Variants in STAG3 observed in about 807,000 individuals in gnomAD.
The protein encoded by STAG3 is STAG3 cohesin complex component.
A neutral mutation model predicts 160.7 loss-of-function variants in STAG3; 101 were observed. The ratio of observed to expected loss-of-function variants is 0.63; its 90% CI spans 0.54 to 0.74. STAG3 has a LOEUF of 0.74. STAG3 is among the 30% of genes least tolerant of loss of function. The probability of loss-of-function intolerance (pLI) is 0.00; values close to 1 mark genes in which losing one functional copy is unlikely to be tolerated. For missense variants in STAG3, 1,188 were observed against 1,517.4 expected, an observed-to-expected ratio of 0.78 and a Z score of 3.61; for synonymous variants, 519 against 585.0, an observed-to-expected ratio of 0.89 and a Z score of 1.63.
At chr7:100,208,734 A>C (rs1801894186) in intron 29 of STAG3, among the ~76,000 whole-genome samples, 1 of 152,250 alleles carries the variant, frequency 6.6e-6, no homozygotes, top group Non-Finnish European at 1.5e-5. Flanking sequence ...CTGGGAATAC[A>C]GCAGTGAACA....
intron 29 of STAG3, among the ~76,000 whole-genome samples, chr7:100,209,570 G>A (rs1174118781): frequency 6.6e-6 from 1 of 152,210 alleles, no homozygotes; most frequent in East Asian, 1.9e-4. Flanking sequence ...TGTTTTTAAA[G>A]GATCCTTCTG....
chr7:100,203,615 C>T (rs1416581300), intron 25 of STAG3, among the ~76,000 whole-genome samples: 3 of 151,160 alleles, frequency 2.0e-5, no homozygotes, highest in African/African-American at 4.9e-5. Context: ...CCTGGGTTCA[C>T]GCCATTCTCC....
chr7:100,177,954 G>T lies in STAG3; in HGVS notation c.-116G>T, dbSNP rs990779007. On this transcript the variant is annotated 5_prime_UTR_variant, in exon 1 of 34. Transcript: ENST00000615138. ...ATCTTTCGCCCCCGGAAGGGCAGCGGCGGGCGCCTGTGTGGAAGGTGGGGT... is the reference window on the plus strand; with the variant it reads ...ATCTTTCGCCCCCGGAAGGGCAGCGTCGGGCGCCTGTGTGGAAGGTGGGGT... 2.0e-5 allele frequency: 3 copies of T among 152,506 alleles called. No individual in the cohort carries two copies. Among genetic ancestry groups the T allele is most frequent in the Non-Finnish European group, 4.4e-5 (3 of 68,228 alleles). 9.4% of individuals were successfully genotyped at this position (152,506 alleles called of 1,614,324 possible).
At chr7:100,209,502 ACT>A (rs1183416368) in intron 29 of STAG3, among the ~76,000 whole-genome samples, 2 of 152,180 alleles carry the variant, frequency 1.3e-5, no homozygotes, top group Non-Finnish European at 1.5e-5. Flanking sequence ...ACTGGCTTTT[ACT>A]CTGAGTGCAG....
chr7:100,195,205 A>G, intron 8 of STAG3, 104 bp from the exon 9 acceptor site: 1 of 979,032 alleles, frequency 1.0e-6, no homozygotes, highest in Admixed American at 1.8e-5. Context: ...ACACTATCCT[A>G]TAATAAACAG....
chr7:100,202,067 A>G (rs933872015), intron 23 of STAG3, 26 bp downstream of exon 23: 5 of 1,613,622 alleles, frequency 3.1e-6, no homozygotes, highest in Non-Finnish European at 4.2e-6. Context: ...AGTGGGAGCA[A>G]CAAGGCGAGT....
In STAG3 at chr7:100,205,277, A is replaced by T. The variant is rs923602904; in HGVS notation, c.3131A>T (p.His1044Leu). The change falls in exon 29 of 34, where the codon CAT (histidine) becomes CTT (leucine). Residue 1044 changes from histidine to leucine, a missense_variant. Around this residue, in one of 4 missense-constraint regions of STAG3, gnomAD observed 647 missense variants for 717.2 expected, o/e 0.90. Coordinates refer to ENST00000615138, the MANE Select transcript of STAG3 (RefSeq NM_001282717.2). ...CAGCATGTCTCCCAGGCACCTGGCC[A>T]TCCCTGGGGCCCAGTCACCACCTAC... ...CLQHVSQAPG[H>L]PWGPVTTYCH... The T allele has an allele frequency of 6.2e-7, 1 of 1,614,106 alleles. No individual in the cohort carries two copies. The highest frequency in any genetic ancestry group is 1.7e-5 in the Admixed American group (1 of 60,018).
At position 100,205,273 on chromosome 7, in the gene STAG3, G is replaced by A. The variant is rs764531314; in HGVS notation, c.3127G>A (p.Gly1043Ser). ...CCTGCAGCATGTCTCCCAGGCACCT[G>A]GCCATCCCTGGGGCCCAGTCACCAC... The part of the protein sequence containing the change: ...KCLQHVSQAP[G>S]HPWGPVTTYC... The change falls in exon 29 of 34, where the codon GGC becomes AGC. Residue 1043 changes from glycine (G) to serine (S), a missense_variant. By Grantham distance (56) the Gly-to-Ser change is moderately conservative. This residue lies in a region of STAG3 where 647 missense variants were observed against 717.2 expected (regional missense o/e 0.90). Coordinates refer to ENST00000615138, the MANE Select transcript of STAG3 (RefSeq NM_001282717.2). 1 of 1,614,104 alleles carries A rather than the reference G, an allele frequency of 6.2e-7. No homozygotes were observed.
At chr7:100,189,873 G>A (rs1329458858) in intron 8 of STAG3, among the ~76,000 whole-genome samples, 1 of 150,900 alleles carries the variant, frequency 6.6e-6, no homozygotes, top group Non-Finnish European at 1.5e-5. Context: ...GTGTTTAAGT[G>A]CTGTACCTGC....
In STAG3 at chr7:100,197,833, G is replaced by C; in HGVS notation, c.1121G>C (p.Arg374Pro). Residue 374 changes from arginine to proline, a missense_variant, in exon 11 of 34, where the codon CGG becomes CCG. Transcript: ENST00000615138. The stretch of plus-strand genomic sequence containing the variant: ...GCCCTGAAAGGGCTGTACGGTAACC[G>C]GGACCTGACCACACGCCTGGAGCTC... ...VKALKGLYGNRDLTTRLELFT... is the reference protein window; with the variant it reads ...VKALKGLYGNPDLTTRLELFT... 6.2e-7 allele frequency: 1 copy of C among 1,613,716 alleles called. No homozygotes were observed. The highest frequency in any genetic ancestry group is 8.5e-7 in the Non-Finnish European group (1 of 1,179,948).
At chr7:100,218,864 G>C (rs1305584892), downstream of STAG3, 2 of 216,888 alleles carry the variant, frequency 9.2e-6, no homozygotes, top group South Asian at 1.3e-4. Context: ...TCACTCATCA[G>C]CGCAGATTCA....
At chr7:100,215,856 C>A (rs557719159), downstream of STAG3, among the ~76,000 whole-genome samples, 8 of 152,090 alleles carry the variant, frequency 5.3e-5, no homozygotes, top group African/African-American at 1.9e-4. Flanking sequence ...TGATGCCATG[C>A]TAGTTAGTGG....
rs771643999 is a variant in STAG3, at chr7:100,197,790, C to T, written c.1078C>T (p.Arg360Cys). The T allele has an allele frequency of 1.2e-5, 19 of 1,613,548 alleles. No homozygotes were observed. The highest frequency in any genetic ancestry group is 3.3e-5 in the South Asian group (3 of 91,054). Residue 360 changes from arginine (R) to cysteine (C), a missense_variant, in exon 11 of 34, where the codon CGC becomes TGC. Arg to Cys is a radical substitution (Grantham distance 180). Coordinates refer to ENST00000615138, the MANE Select transcript of STAG3 (RefSeq NM_001282717.2). ...CCCTCCTCACCAGCACCGAGAAGTCCGCCTGAAGTGTGTGAAGGCCCTGAA... is the reference window on the plus strand; with the variant it reads ...CCCTCCTCACCAGCACCGAGAAGTCTGCCTGAAGTGTGTGAAGGCCCTGAA... ...WTLHDKHREV[R>C]LKCVKALKGL...
At chr7:100,209,149 C>T (rs554893670) in intron 29 of STAG3, among the ~76,000 whole-genome samples, 9 of 152,246 alleles carry the variant, frequency 5.9e-5, no homozygotes, top group Admixed American at 3.3e-4. Context: ...AGAGGTTAGT[C>T]GGTAGTTTCT....
rs1347014625 is a variant in STAG3, at chr7:100,200,473, G to C, written c.1791G>C (p.Lys597Asn). 1.2e-6 allele frequency: 2 copies of C among 1,614,118 alleles called. No homozygotes were observed. Among genetic ancestry groups the C allele is most frequent in the African/African-American group, 2.7e-5 (2 of 75,036 alleles). Reference sequence around the variant, plus strand: ...CACAGTTCTCAGCTGATGCAGAGAAGGTCACTCCCCTGCTCCAGCTTCTCA... The same window carrying C: ...CACAGTTCTCAGCTGATGCAGAGAACGTCACTCCCCTGCTCCAGCTTCTCA... Reference protein sequence around the residue: ...LLAKFSADAEKVTPLLQLLSC... With the variant: ...LLAKFSADAENVTPLLQLLSC... Residue 597 changes from lysine to asparagine, a missense_variant, in exon 18 of 34, where the codon AAG (lysine) becomes AAC (asparagine). This residue lies in a region of STAG3 where 240 missense variants were observed against 358.1 expected (regional missense o/e 0.67). Transcript: ENST00000615138.
chr7:100,211,656 A>G, intron 31 of STAG3, 117 bp downstream of exon 31: 1 of 1,411,026 alleles, frequency 7.1e-7, no homozygotes, highest in Non-Finnish European at 9.9e-7. Flanking sequence ...TTAGCCACAG[A>G]GCACTTCCTG....
At chr7:100,208,571 T>C (rs919663281) in intron 29 of STAG3, among the ~76,000 whole-genome samples, 4 of 152,230 alleles carry the variant, frequency 2.6e-5, no homozygotes, top group African/African-American at 9.6e-5. Flanking sequence ...CATCATGGGC[T>C]GGCAGAATAG....
chr7:100,180,646 C>G lies in STAG3; in HGVS notation c.90C>G (p.Asp30Glu), dbSNP rs191137766. The G allele has an allele frequency of 1.6e-5, 26 of 1,611,566 alleles. No homozygotes were observed. In the Admixed American group the frequency reaches 4.2e-4, roughly 26 times the overall value. ...CCTCTGCCAGTCTACCCTTTGATGA[C>G]AGGGACTCAAACCATACCTCAGAGG... ...SSSSASLPFD[D>E]RDSNHTSEGN... The change falls in exon 2 of 34, where the codon GAC (aspartate) becomes GAG (glutamate). Residue 30 changes from aspartate (D) to glutamate (E), a missense_variant. Physicochemically the swap from Asp to Glu is conservative, Grantham distance 45. Transcript: ENST00000615138.
At chr7:100,183,615 G>A (rs865857494) in intron 4 of STAG3, among the ~76,000 whole-genome samples, 8 of 152,176 alleles carry the variant, frequency 5.3e-5, no homozygotes, top group Non-Finnish European at 7.3e-5. Flanking sequence ...CTCAAGAAAT[G>A]AAACATTAAT....
Sources: allele counts gnomAD v4.1 joint callset (sites outside exome capture counted in the v4.1 genomes callset), GRCh38; gene constraint gnomAD v4.1.1; regional missense constraint gnomAD v4.1.1; transcripts MANE v1.5; gene names NCBI Gene and HGNC (gene_info 2026-07-23, HGNC 2026-07-21).